Variants in TMEM161B observed in about 807,000 individuals in gnomAD.
The protein encoded by TMEM161B is transmembrane protein 161B.
In TMEM161B, 34 loss-of-function variants were observed where a neutral mutation model predicts 61.8. The ratio of observed to expected loss-of-function variants is 0.55; its 90% CI spans 0.42 to 0.73. The LOEUF (loss-of-function observed/expected upper bound fraction) is 0.73, where lower values mean the gene tolerates loss of function less well. TMEM161B is among the 30% of genes least tolerant of loss of function. The pLI is 0.00. For synonymous variants in TMEM161B, 167 were observed against 192.8 expected (o/e 0.87, Z 1.11); for missense variants, 456 against 558.5 (o/e 0.82, Z 1.85).
intron 1 of TMEM161B, among the ~76,000 whole-genome samples, chr5:88,245,090 T>C (rs978031697): frequency 2.0e-5 from 3 of 151,700 alleles, no homozygotes; most frequent in African/African-American, 7.3e-5. Context: ...GCAAACGGGA[T>C]AAAAAGAACA....
At chr5:88,255,298 C>T (rs1056636838) in intron 1 of TMEM161B, among the ~76,000 whole-genome samples, 21 of 152,110 alleles carry the variant, frequency 1.4e-4, no homozygotes, top group African/African-American at 4.3e-4. Context: ...GACTTCCTTC[C>T]CATAGAGCAT....
chr5:88,200,502 G>A (rs1744184507), intron 9 of TMEM161B: 1 of 152,082 alleles, frequency 6.6e-6, no homozygotes. Context: ...CTATTTCACA[G>A]CCTTTGAGGA....
chr5:88,264,176 G>A (rs1469352652), intron 1 of TMEM161B, among the ~76,000 whole-genome samples: 1 of 151,580 alleles, frequency 6.6e-6, no homozygotes, highest in African/African-American at 2.4e-5. Flanking sequence ...AAACTTAATT[G>A]CGGAACTTAT....
At chr5:88,239,412 A>C (rs1249714283) in intron 2 of TMEM161B, among the ~76,000 whole-genome samples, 1 of 151,984 alleles carries the variant, frequency 6.6e-6, no homozygotes, top group Middle Eastern at 3.2e-3. Flanking sequence ...TTTACTTCAA[A>C]TTAATGATAA....
chr5:88,241,922 T>C (rs1206526039), intron 1 of TMEM161B, among the ~76,000 whole-genome samples: 1 of 151,772 alleles, frequency 6.6e-6, no homozygotes, highest in African/African-American at 2.4e-5. Context: ...CTGTCTTTTC[T>C]TAGACCCCAG....
chr5:88,193,735 A>G (rs1275527327), downstream of TMEM161B, among the ~76,000 whole-genome samples: 1 of 152,180 alleles, frequency 6.6e-6, no homozygotes, highest in Non-Finnish European at 1.5e-5. Context: ...ACTTTTTAAA[A>G]TGTAGCTCTT....
At chr5:88,210,027 A>G (rs1746393148) in intron 5 of TMEM161B, among the ~76,000 whole-genome samples, 1 of 152,198 alleles carries the variant, frequency 6.6e-6, no homozygotes, top group Non-Finnish European at 1.5e-5. Context: ...ATCTTAAACT[A>G]TAGTGTGACA....
intron 5 of TMEM161B, among the ~76,000 whole-genome samples, chr5:88,218,497 A>G (rs2112508841): frequency 6.6e-6 from 1 of 152,310 alleles, no homozygotes; most frequent in South Asian, 2.1e-4. Flanking sequence ...CTTTAAAAAA[A>G]AATCAGATGG....
chr5:88,253,525 G>A (rs933538825), intron 1 of TMEM161B, among the ~76,000 whole-genome samples: 1 of 152,142 alleles, frequency 6.6e-6, no homozygotes, highest in Non-Finnish European at 1.5e-5. Context: ...CAAAGACAAG[G>A]AGAACAAATG....
intron 1 of TMEM161B, among the ~76,000 whole-genome samples, chr5:88,263,467 C>A (rs1755948779): frequency 6.6e-6 from 1 of 152,108 alleles, no homozygotes; most frequent in African/African-American, 2.4e-5. Context: ...ACAAAAGGTA[C>A]AGTCATTTCA....
Position 88,202,084 on chromosome 5 carries a change from A to G in TMEM161B, c.914+878T>C, listed in dbSNP as rs1302910243. On this transcript the variant is annotated intron_variant, in intron 9 of 11. Coordinates refer to ENST00000296595, the MANE Select transcript of TMEM161B (RefSeq NM_153354.5). ...TACATGTGTTCTTTCATTTATTCCA[A>G]TGATAACCTTGTGAGTTAGATACTA... 5 of 451,798 alleles carry G rather than the reference A, an allele frequency of 1.1e-5. No individual in the cohort carries two copies. The East Asian group carries it at 3.5e-4, about 31-fold the overall frequency. 28.0% of individuals were successfully genotyped at this position (451,798 alleles called of 1,614,324 possible). A position where few individuals can be genotyped will look rare whatever the true frequency, so the allele number is the denominator to read the frequency against.
rs1336020262 is a variant in TMEM161B at position 88,225,839 on chromosome 5, C to T, written c.219G>A (p.Lys73=). 6.2e-7 allele frequency: 1 copy of T among 1,610,030 alleles called. No individual in the cohort carries two copies. The highest frequency in any genetic ancestry group is 1.3e-5 in the African/African-American group (1 of 74,718). The change falls in exon 4 of 12, where the codon AAG becomes AAA. Residue 73 remains lysine (K), a synonymous_variant. Transcript: ENST00000296595. ...CAATATCCTTTGGAATGGTTAATGG[C>T]TTACTTTCAATGTGACCATTATATT... ...DRKYNGHIES[K]PLTIPKDIDL...
At chr5:88,218,514 G>A (rs1265214233) in intron 5 of TMEM161B, among the ~76,000 whole-genome samples, 6 of 152,124 alleles carry the variant, frequency 3.9e-5, no homozygotes, top group South Asian at 2.1e-4. Context: ...ATGGCTGGGC[G>A]CAATGGCTTA....
chr5:88,187,517 C>G (rs1748422372), downstream of TMEM161B, among the ~76,000 whole-genome samples: 1 of 152,076 alleles, frequency 6.6e-6, no homozygotes, highest in Admixed American at 6.5e-5. Flanking sequence ...TTGTAGAGTT[C>G]AGTGTACAGG....
chr5:88,207,366 G>GTTTATCTCA (rs760874735), intron 5 of TMEM161B, among the ~76,000 whole-genome samples, 186 bp from the exon 6 acceptor site: 1 of 152,118 alleles, frequency 6.6e-6, no homozygotes, highest in Non-Finnish European at 1.5e-5. Flanking sequence ...TGTATTTCTA[G>GTTTATCTCA]TTTATCTCAC....
intron 1 of TMEM161B, among the ~76,000 whole-genome samples, chr5:88,245,749 C>T (rs896433098): frequency 1.3e-5 from 2 of 151,912 alleles, no homozygotes; most frequent in African/African-American, 4.8e-5. Flanking sequence ...CTCTCCCCTT[C>T]CTCCAAATCA....
chr5:88,244,559 G>A (rs544822233), intron 1 of TMEM161B, among the ~76,000 whole-genome samples: 48 of 148,490 alleles, frequency 3.2e-4, no homozygotes, highest in African/African-American at 1.1e-3. Flanking sequence ...ATTTGAAGTC[G>A]AGTAATGTGA....
intron 4 of TMEM161B, 28 bp downstream of exon 4, chr5:88,225,741 T>C (rs544398190): frequency 1.4e-5 from 20 of 1,426,358 alleles, no homozygotes; most frequent in African/African-American, 5.7e-5. Context: ...CTGAGATTTA[T>C]AGAACATTTT....
At position 88,195,413 on chromosome 5, in the gene TMEM161B, A is replaced by G. The variant is rs1190550635; in HGVS notation, c.*798T>C. On this transcript the variant is annotated 3_prime_UTR_variant, in exon 12 of 12. Transcript: ENST00000296595. Reference sequence around the variant, plus strand: ...ACATACAGGTAGTCAGCAGGTTTACAAAGTAATTTCTTTAAAGTCTGATCA... The same window carrying G: ...ACATACAGGTAGTCAGCAGGTTTACGAAGTAATTTCTTTAAAGTCTGATCA... 8.7e-6 allele frequency: 8 copies of G among 918,054 alleles called. No individual in the cohort carries two copies. The highest frequency in any genetic ancestry group is 6.3e-5 in the Admixed American group (1 of 15,838). 56.9% of individuals were successfully genotyped at this position (918,054 alleles called of 1,614,324 possible).
Sources: allele counts gnomAD v4.1 joint callset (sites outside exome capture counted in the v4.1 genomes callset), GRCh38; gene constraint gnomAD v4.1.1; transcripts MANE v1.5; gene names NCBI Gene and HGNC (gene_info 2026-07-23, HGNC 2026-07-21).